The following NREP variants were observed in gnomAD, a reference collection of about 807,000 sequenced individuals.
NREP encodes the protein neuronal regeneration-related protein.
NREP carries 5 observed loss-of-function variants against 8.6 expected under a neutral mutation model. The observed-to-expected ratio is 0.58, with a 90% CI of 0.30 to 1.22. The LOEUF is 1.22. Among genes scored for constraint, NREP ranks in the 50% most tolerant of loss-of-function variants. NREP has a pLI of 0.07. For missense variants in NREP, 86 were observed against 82.5 expected, an observed-to-expected ratio of 1.04 and a Z score of -0.17; for synonymous variants, 27 against 28.0, an observed-to-expected ratio of 0.96 and a Z score of 0.11.
At chr5:111,873,335 A>G (rs796430354) in intron 2 of NREP, among the ~76,000 whole-genome samples, 38 of 152,222 alleles carry the variant, frequency 2.5e-4, no homozygotes, top group African/African-American at 8.4e-4. Context: ...AAACCACACA[A>G]ACTTATTATC....
rs1422037887 is a variant in NREP at position 111,952,875 on chromosome 5, G to T, written c.135+22399C>A. ...TACAAAACAGATATATAAAAAATTA[G>T]AGAGTAGGAATGGGAATGTGAAAGG... On this transcript the variant is annotated intron_variant, in intron 2 of 3. Coordinates refer to the NREP transcript ENST00000395634. 4.6e-5 allele frequency among the ~76,000 whole-genome samples: 7 copies of T among 152,192 alleles called. No homozygotes were observed. The East Asian group carries it at 9.7e-4, about 21-fold the overall frequency.
At chr5:111,789,191 G>T (rs59746819) in intron 2 of NREP, among the ~76,000 whole-genome samples, 4 of 152,162 alleles carry the variant, frequency 2.6e-5, no homozygotes, top group African/African-American at 9.7e-5. Context: ...ATGCATGTGT[G>T]TGTGTGTAAT....
chr5:111,872,403 A>T (rs1315887885), intron 2 of NREP, among the ~76,000 whole-genome samples: 1 of 152,200 alleles, frequency 6.6e-6, no homozygotes, highest in African/African-American at 2.4e-5. Flanking sequence ...AAATGTATAT[A>T]TCATCCAAAA....
intron 2 of NREP, among the ~76,000 whole-genome samples, chr5:111,885,268 G>T (rs1173002261): frequency 2.0e-5 from 3 of 151,362 alleles, no homozygotes; most frequent in Admixed American, 1.3e-4. Context: ...CAACTTACAA[G>T]GGATGTGAAG....
chr5:111,879,738 C>T (rs757897097), intron 2 of NREP, among the ~76,000 whole-genome samples: 2 of 152,226 alleles, frequency 1.3e-5, no homozygotes, highest in East Asian at 3.9e-4. Context: ...GATTAAGGGG[C>T]CAGCATAGTT....
intron 2 of NREP, among the ~76,000 whole-genome samples, chr5:111,858,373 C>A (rs1276591268): frequency 6.6e-6 from 1 of 152,094 alleles, no homozygotes. Context: ...CAACCCGGGT[C>A]TCTCCCACCA....
upstream of NREP, among the ~76,000 whole-genome samples, chr5:111,760,331 T>A (rs147207187): frequency 1.3e-5 from 2 of 152,294 alleles, no homozygotes; most frequent in East Asian, 3.9e-4. Context: ...CAGATCCATC[T>A]CCTGAGGTGG....
intron 2 of NREP, among the ~76,000 whole-genome samples, chr5:111,878,209 A>T (rs533621230): frequency 7.9e-5 from 12 of 152,328 alleles, no homozygotes; most frequent in African/African-American, 2.9e-4. Context: ...TTAAATATTC[A>T]TATAATAGAT....
intron 2 of NREP, among the ~76,000 whole-genome samples, chr5:111,801,610 G>T (rs779606235): frequency 3.3e-5 from 5 of 152,098 alleles, no homozygotes; most frequent in Non-Finnish European, 5.9e-5. Flanking sequence ...TAGTTTTGCA[G>T]TTTTTCACTG....
intron 2 of NREP, among the ~76,000 whole-genome samples, chr5:111,748,294 C>A (rs958027865): frequency 1.3e-5 from 2 of 152,142 alleles, no homozygotes; most frequent in Admixed American, 6.5e-5. Flanking sequence ...CACTGAAAGC[C>A]TCTTTTCAGT....
chr5:111,844,812 C>T (rs1390191480), intron 2 of NREP, among the ~76,000 whole-genome samples: 1 of 150,626 alleles, frequency 6.6e-6, no homozygotes, highest in Non-Finnish European at 1.5e-5. Flanking sequence ...CCCAATAATT[C>T]CTAACAAGGG....
At chr5:111,825,481 C>G (rs1167588310) in intron 2 of NREP, among the ~76,000 whole-genome samples, 3 of 152,160 alleles carry the variant, frequency 2.0e-5, no homozygotes, top group Admixed American at 1.3e-4. Flanking sequence ...AATACACTAA[C>G]AAGCAGGGAA....
At chr5:111,814,655 G>A (rs893809480) in intron 2 of NREP, among the ~76,000 whole-genome samples, 1 of 152,114 alleles carries the variant, frequency 6.6e-6, no homozygotes. Context: ...GACTTTTAGG[G>A]GGTATTGCTG....
At chr5:111,821,584 T>A (rs1164193957) in intron 2 of NREP, among the ~76,000 whole-genome samples, 5 of 152,200 alleles carry the variant, frequency 3.3e-5, no homozygotes, top group African/African-American at 1.2e-4. Context: ...AAGAAATTTC[T>A]TGACCAAAAA....
chr5:111,970,157 T>C (rs1294444277), intron 2 of NREP, among the ~76,000 whole-genome samples: 1 of 152,240 alleles, frequency 6.6e-6, no homozygotes, highest in Non-Finnish European at 1.5e-5. Flanking sequence ...TTTTCAACTA[T>C]AATTAAGTAA....
chr5:111,868,297 A>G (rs1439288583), intron 2 of NREP, among the ~76,000 whole-genome samples: 1 of 152,176 alleles, frequency 6.6e-6, no homozygotes, highest in Non-Finnish European at 1.5e-5. Flanking sequence ...AAGGAAACAA[A>G]CAAATTTAAT....
intron 2 of NREP, among the ~76,000 whole-genome samples, chr5:111,972,952 G>T (rs913589392): frequency 6.6e-6 from 1 of 152,196 alleles, no homozygotes; most frequent in Non-Finnish European, 1.5e-5. Context: ...ATTCAAGAGA[G>T]CAACAGGAGA....
intron 1 of NREP, among the ~76,000 whole-genome samples, chr5:111,976,427 G>C (rs1490736172): frequency 2.0e-5 from 3 of 152,178 alleles, no homozygotes; most frequent in Non-Finnish European, 4.4e-5. Flanking sequence ...AAAAGCTGAG[G>C]CTCAGCCTCC....
At chr5:111,875,861 A>T (rs1753894253) in intron 2 of NREP, among the ~76,000 whole-genome samples, 1 of 152,164 alleles carries the variant, frequency 6.6e-6, no homozygotes, top group Non-Finnish European at 1.5e-5. Context: ...GAAATTTAAT[A>T]GGCAAAAAAA....
Sources: allele counts gnomAD v4.1 joint callset (sites outside exome capture counted in the v4.1 genomes callset), GRCh38; gene constraint gnomAD v4.1.1; transcripts MANE v1.5; gene names NCBI Gene and HGNC (gene_info 2026-07-23, HGNC 2026-07-21).